Variants in SNTG1 observed in about 807,000 individuals in gnomAD.
The protein encoded by SNTG1 is syntrophin gamma 1.
Under a neutral mutation model 74.7 loss-of-function variants are expected in SNTG1, and 39 were observed. That is an observed-to-expected ratio of 0.52 (90% CI 0.40 to 0.68). SNTG1 has a LOEUF of 0.68. Among genes scored for constraint, SNTG1 ranks in the 30% least tolerant of loss-of-function variants. The pLI is 0.00. For missense variants in SNTG1, 685 were observed against 609.5 expected, an observed-to-expected ratio of 1.12 and a Z score of -1.30; for synonymous variants, 254 against 217.1, an observed-to-expected ratio of 1.17 and a Z score of -1.49.
intron 2 of SNTG1, among the ~76,000 whole-genome samples, chr8:50,304,073 T>C (rs2089772576): frequency 6.6e-6 from 1 of 152,106 alleles, no homozygotes; most frequent in Non-Finnish European, 1.5e-5. Context: ...TACCATATGA[T>C]GGAATTAAGA....
intron 1 of SNTG1, among the ~76,000 whole-genome samples, chr8:50,065,547 A>G (rs903883242): frequency 2.6e-5 from 4 of 152,150 alleles, no homozygotes; most frequent in Admixed American, 6.5e-5. Context: ...ATTTGACTCT[A>G]TTATATTTTG....
chr8:50,518,325 A>C (rs1045001880), intron 9 of SNTG1, among the ~76,000 whole-genome samples: 3 of 152,232 alleles, frequency 2.0e-5, no homozygotes, highest in Non-Finnish European at 4.4e-5. Context: ...AGGGAAATTT[A>C]TAGCACTAAT....
intron 9 of SNTG1, among the ~76,000 whole-genome samples, chr8:50,519,105 C>T (rs571115934): frequency 1.1e-4 from 16 of 152,238 alleles, no homozygotes; most frequent in African/African-American, 3.4e-4. Flanking sequence ...GCTTATCCAC[C>T]ACGATCAAGC....
At chr8:50,670,886 C>G (rs1430389865) in intron 15 of SNTG1, among the ~76,000 whole-genome samples, 1 of 151,656 alleles carries the variant, frequency 6.6e-6, no homozygotes, top group Non-Finnish European at 1.5e-5. Context: ...AGAAATGACG[C>G]CACATATCTA....
chr8:50,698,836 A>G (rs1304701276), intron 15 of SNTG1, among the ~76,000 whole-genome samples: 2 of 152,094 alleles, frequency 1.3e-5, no homozygotes, highest in African/African-American at 4.8e-5. Flanking sequence ...GGCCTGAATT[A>G]TATGATTCTA....
At chr8:50,112,699 T>C (rs1413587727) in intron 1 of SNTG1, among the ~76,000 whole-genome samples, 3 of 151,816 alleles carry the variant, frequency 2.0e-5, no homozygotes, top group Admixed American at 1.3e-4. Flanking sequence ...ATTTTTGTAT[T>C]TTTAGTAGAG....
At chr8:50,216,333 T>C (rs2084791194) in intron 2 of SNTG1, among the ~76,000 whole-genome samples, 1 of 152,210 alleles carries the variant, frequency 6.6e-6, no homozygotes, top group East Asian at 1.9e-4. Flanking sequence ...CATGTTGTCT[T>C]TTACTCAACT....
intron 18 of SNTG1, among the ~76,000 whole-genome samples, 157 bp downstream of exon 18, chr8:50,752,268 G>T (rs931699480): frequency 6.6e-6 from 1 of 151,904 alleles, no homozygotes; most frequent in African/African-American, 2.4e-5. Context: ...CTTACTTTAA[G>T]ATTTTATTGG....
At chr8:50,274,880 C>A (rs552422429) in intron 2 of SNTG1, among the ~76,000 whole-genome samples, 4 of 152,126 alleles carry the variant, frequency 2.6e-5, no homozygotes, top group Non-Finnish European at 5.9e-5. Flanking sequence ...GTTGAACTAG[C>A]GTCAAATATG....
chr8:50,438,155 C>CATATTT (rs1477261453), intron 4 of SNTG1, among the ~76,000 whole-genome samples: 1 of 152,056 alleles, frequency 6.6e-6, no homozygotes, highest in Non-Finnish European at 1.5e-5. Flanking sequence ...TTACCAGGAT[C>CATATTT]ATATTTACCA....
In SNTG1 at chr8:50,235,895, A is replaced by T. The variant is rs553150074; in HGVS notation, c.-28+63260A>T. 6.6e-5 allele frequency among the ~76,000 whole-genome samples: 10 copies of T among 152,326 alleles called. 1 individual carries two copies. The highest frequency in any genetic ancestry group is 2.2e-4 in the African/African-American group (9 of 41,584). The stretch of plus-strand genomic sequence containing the variant: ...GCCAAAAAAAAAGAAAAAAGAAAAA[A>T]ATGTTTCTAGCATTATTTAAATTTA... On this transcript the variant is annotated intron_variant, in intron 2 of 18. Transcript: ENST00000642720.
At chr8:50,370,381 G>A (rs576218556) in intron 2 of SNTG1, among the ~76,000 whole-genome samples, 23 of 152,230 alleles carry the variant, frequency 1.5e-4, no homozygotes, top group African/African-American at 5.3e-4. Context: ...GTAAGGAATG[G>A]GATCTTGAAA....
At chr8:50,145,261 A>G (rs995652786) in intron 1 of SNTG1, among the ~76,000 whole-genome samples, 8 of 152,214 alleles carry the variant, frequency 5.3e-5, no homozygotes, top group Non-Finnish European at 1.2e-4. Flanking sequence ...CTATAGACAC[A>G]TTTTAAAATA....
At chr8:50,079,418 T>A (rs899921620) in intron 1 of SNTG1, among the ~76,000 whole-genome samples, 3 of 151,972 alleles carry the variant, frequency 2.0e-5, no homozygotes, top group Admixed American at 2.0e-4. Flanking sequence ...TTGTTTTTTT[T>A]TTTCTTGTAA....
At chr8:50,397,225 T>C (rs1286582743) in intron 3 of SNTG1, among the ~76,000 whole-genome samples, 2 of 152,376 alleles carry the variant, frequency 1.3e-5, no homozygotes, top group African/African-American at 4.8e-5. Flanking sequence ...CCTTTATTTA[T>C]GTGCAATGGT....
At chr8:50,395,293 A>G (rs1399928184) in intron 3 of SNTG1, among the ~76,000 whole-genome samples, 1 of 152,146 alleles carries the variant, frequency 6.6e-6, no homozygotes, top group Non-Finnish European at 1.5e-5. Flanking sequence ...TTTAAGCATA[A>G]CATTTTAAAC....
intron 1 of SNTG1, among the ~76,000 whole-genome samples, chr8:50,114,142 A>C (rs917135544): frequency 1.3e-5 from 2 of 152,270 alleles, no homozygotes; most frequent in South Asian, 2.1e-4. Flanking sequence ...CACATAAGAG[A>C]CACTCATTTA....
At chr8:50,635,998 A>G (rs1039919804) in intron 13 of SNTG1, among the ~76,000 whole-genome samples, 1 of 151,902 alleles carries the variant, frequency 6.6e-6, no homozygotes, top group Admixed American at 6.6e-5. Context: ...TTTAATGAGC[A>G]GGTGATGAAT....
chr8:50,475,416 T>A (rs767589288), intron 8 of SNTG1, among the ~76,000 whole-genome samples: 12 of 152,182 alleles, frequency 7.9e-5, no homozygotes, highest in Non-Finnish European at 1.5e-4. Context: ...GGGCCTCCAC[T>A]GTTTCTCAGG....
Sources: allele counts gnomAD v4.1 joint callset (sites outside exome capture counted in the v4.1 genomes callset), GRCh38; gene constraint gnomAD v4.1.1; transcripts MANE v1.5; gene names NCBI Gene and HGNC (gene_info 2026-07-23, HGNC 2026-07-21).